Variants in TMEM59 observed in about 807,000 individuals in gnomAD.
The protein encoded by TMEM59 is transmembrane protein 59, also known as dendritic cell factor 1.
Under a neutral mutation model 42.2 loss-of-function variants are expected in TMEM59, and 44 were observed. The observed-to-expected ratio is 1.04, with a 90% CI of 0.82 to 1.34. The LOEUF (loss-of-function observed/expected upper bound fraction) is 1.34. TMEM59 is among the 40% of genes most tolerant of loss of function. TMEM59 has a pLI of 0.00. For missense variants in TMEM59, 359 were observed against 382.8 expected, an observed-to-expected ratio of 0.94 and a Z score of 0.52; for synonymous variants, 148 against 145.8, an observed-to-expected ratio of 1.02 and a Z score of -0.11.
Position 54,026,854 on chromosome 1 carries a change from C to T in TMEM59, c.*5296G>A, listed in dbSNP as rs1656614959. ...TCAATCAGGTGCTGATTTTTTTCCACCCAAGTCTTCAATTATTACTGTTCT... is the reference window on the plus strand; with the variant it reads ...TCAATCAGGTGCTGATTTTTTTCCATCCAAGTCTTCAATTATTACTGTTCT... On this transcript the variant is annotated 3_prime_UTR_variant, in exon 8 of 8. Transcript: ENST00000234831. 1 of 152,072 alleles carries T rather than the reference C, an allele frequency of 6.6e-6. No individual in the cohort carries two copies. Among genetic ancestry groups the T allele is most frequent in the South Asian group, 2.1e-4 (1 of 4,816 alleles). 9.4% of individuals were successfully genotyped at this position (152,072 alleles called of 1,614,324 possible).
chr1:54,044,806 T>C (rs1419302279), intron 3 of TMEM59: 1 of 152,006 alleles, frequency 6.6e-6, no homozygotes, highest in Non-Finnish European at 1.5e-5. Flanking sequence ...TAAAAAATTA[T>C]AATATATCTA....
chr1:54,035,470 C>A (rs1656911847), intron 7 of TMEM59, among the ~76,000 whole-genome samples: 1 of 152,098 alleles, frequency 6.6e-6, no homozygotes, highest in Non-Finnish European at 1.5e-5. Flanking sequence ...TATAGCCTTT[C>A]CCCCAAACAA....
At chr1:54,048,264 T>A (rs928065200) in intron 1 of TMEM59, among the ~76,000 whole-genome samples, 40 of 152,238 alleles carry the variant, frequency 2.6e-4, no homozygotes, top group African/African-American at 8.4e-4. Flanking sequence ...GAAAGGACAC[T>A]GCAATCAGCC....
At chr1:54,040,035 G>T (rs906639524) in intron 6 of TMEM59, among the ~76,000 whole-genome samples, 1 of 152,070 alleles carries the variant, frequency 6.6e-6, no homozygotes, top group African/African-American at 2.4e-5. Context: ...CCTTAGTATA[G>T]AATACAAAGC....
intron 1 of TMEM59, chr1:54,048,649 C>T (rs552765956): frequency 2.3e-6 from 1 of 441,174 alleles, no homozygotes; most frequent in East Asian, 7.6e-5. Context: ...CCTCGACTTA[C>T]TATGTGATCC....
intron 4 of TMEM59, among the ~76,000 whole-genome samples, chr1:54,043,062 C>T (rs1481854856): frequency 5.3e-5 from 8 of 152,050 alleles, no homozygotes; most frequent in East Asian, 1.9e-4. Context: ...TATTTATGTT[C>T]GAAGTATATT....
intron 1 of TMEM59, among the ~76,000 whole-genome samples, chr1:54,048,361 A>T (rs1657413205): frequency 6.6e-6 from 1 of 152,236 alleles, no homozygotes; most frequent in African/African-American, 2.4e-5. Context: ...AGGAGAGAAC[A>T]GCCATTATCT....
At position 54,045,688 on chromosome 1, in the gene TMEM59, G is replaced by A. The variant is rs377127338; in HGVS notation, c.390+4C>T. On this transcript the variant is annotated splice_donor_region_variant and intron_variant, in intron 3 of 7. Transcript: ENST00000234831. Reference sequence around the variant, plus strand: ...CTAGTTTGAAAGGCAGTATTGTTTCGTACTTGTTCTTGTCTCAGTTCAGCG... The same window carrying A: ...CTAGTTTGAAAGGCAGTATTGTTTCATACTTGTTCTTGTCTCAGTTCAGCG... The A allele has an allele frequency of 3.4e-5, 55 of 1,613,922 alleles. No individual in the cohort carries two copies. The Admixed American group carries it at 3.5e-4, about 10-fold the overall frequency.
chr1:54,050,349 C>T (rs1299437793), intron 1 of TMEM59, among the ~76,000 whole-genome samples: 2 of 152,074 alleles, frequency 1.3e-5, no homozygotes, highest in Admixed American at 1.3e-4. Flanking sequence ...TCTTGAACTC[C>T]TGACCACCCA....
At chr1:54,035,760 G>A (rs1386764902) in intron 7 of TMEM59, among the ~76,000 whole-genome samples, 2 of 151,892 alleles carry the variant, frequency 1.3e-5, no homozygotes, top group African/African-American at 4.8e-5. Flanking sequence ...TCACGGGCAC[G>A]CACCACCATA....
chr1:54,053,419 G>C (rs1324728870), upstream of TMEM59: 6 of 560,244 alleles, frequency 1.1e-5, no homozygotes, highest in Non-Finnish European at 1.9e-5. Flanking sequence ...CATCGCAAGC[G>C]TTAGCGCGAA....
Position 54,040,788 on chromosome 1 carries a change from T to C in TMEM59, c.675A>G (p.Gly225=), listed in dbSNP as rs1414433167. Residue 225 remains glycine (G), a synonymous_variant, in exon 6 of 8, where the codon GGA becomes GGG. Transcript: ENST00000234831. The stretch of plus-strand genomic sequence containing the variant: ...GGCATCTTAAAAAGCCATCACTTTC[T>C]CCATCTTCAAGAAAATTCCTGTGCG... ...SQAHRNFLED[G]ESDGFLRCLS... 1 of 1,613,850 alleles carries C rather than the reference T, an allele frequency of 6.2e-7. No individual in the cohort carries two copies. Among genetic ancestry groups the C allele is most frequent in the Admixed American group, 1.7e-5 (1 of 60,016 alleles).
Position 54,036,711 on chromosome 1 carries a change from C to T in TMEM59, c.715G>A (p.Gly239Arg). 1 of 1,575,182 alleles carries T rather than the reference C, an allele frequency of 6.3e-7. No homozygotes were observed. Among genetic ancestry groups the T allele is most frequent in the Non-Finnish European group, 8.6e-7 (1 of 1,165,666 alleles). The change falls in exon 7 of 8, where the codon GGG (glycine) becomes AGG (arginine). Residue 239 changes from glycine to arginine, a missense_variant. Coordinates refer to ENST00000234831, the MANE Select transcript of TMEM59 (RefSeq NM_004872.5). The stretch of plus-strand genomic sequence containing the variant: ...ACAAGAGTTGTAGTTAAAATCCACC[C>T]AGAGTTACTGGAAAAAAAAAATCAA... ...GFLRCLSLNS[G>R]WILTTTLVLS... is the part of the protein sequence containing the mutation.
At chr1:54,036,743 G>A (rs976882189) in intron 6 of TMEM59, 25 bp from the exon 7 acceptor site, 5 of 1,488,786 alleles carry the variant, frequency 3.4e-6, no homozygotes, top group Non-Finnish European at 4.5e-6. Flanking sequence ...TCAACAATTA[G>A]TTATATTAAA....
Position 54,027,770 on chromosome 1 carries a change from C to CA in TMEM59, c.*4379dup, listed in dbSNP as rs113234374. 0.14 allele frequency: 18,560 copies of CA among 129,632 alleles called. 2,667 individuals are homozygous for CA. Among genetic ancestry groups the CA allele is most frequent in the African/African-American group, 0.38 (14,236 of 37,062 alleles). 8.0% of individuals were successfully genotyped at this position (129,632 alleles called of 1,614,324 possible). On this transcript the variant is annotated 3_prime_UTR_variant, in exon 8 of 8. Transcript: ENST00000234831. ...TGAGTAACAGTGTGAGACTCTGTCT[C>CA]AAAAAAAAAAAAAGTGAAATATATG...
At chr1:54,038,914 A>T (rs1657045645) in intron 6 of TMEM59, among the ~76,000 whole-genome samples, 1 of 152,218 alleles carries the variant, frequency 6.6e-6, no homozygotes, top group African/African-American at 2.4e-5. Flanking sequence ...GCACGATCAC[A>T]GCTCACTGCA....
chr1:54,047,482 G>GT (rs1557680025), intron 1 of TMEM59, 110 bp from the exon 2 acceptor site: 1 of 842,594 alleles, frequency 1.2e-6, no homozygotes, highest in Non-Finnish European at 1.9e-6. Context: ...AAATCGTCCA[G>GT]TAAGTTTCAT....
At chr1:54,045,587 TA>T in intron 3 of TMEM59, 104 bp downstream of exon 3, 1 of 1,134,314 alleles carries the variant, frequency 8.8e-7, no homozygotes, top group Non-Finnish European at 1.3e-6. Flanking sequence ...AAGCCAAATA[TA>T]AAATATAACA....
intron 7 of TMEM59, among the ~76,000 whole-genome samples, chr1:54,035,404 A>G (rs775781119): frequency 1.6e-4 from 24 of 152,182 alleles, no homozygotes; most frequent in Non-Finnish European, 2.6e-4. Flanking sequence ...TTATTATTCT[A>G]TATTTAGTTA....
Sources: gnomAD v4.1 joint callset for allele counts (sites outside exome capture counted in the v4.1 genomes callset) on GRCh38, gnomAD v4.1.1 for gene constraint, MANE v1.5 for transcripts, NCBI Gene and HGNC (gene_info 2026-07-23, HGNC 2026-07-21) for gene names.